The following USP40 variants were observed in gnomAD, a reference collection of about 807,000 sequenced individuals.
USP40 encodes ubiquitin carboxyl-terminal hydrolase 40.
Under a neutral mutation model 166.2 loss-of-function variants are expected in USP40, and 143 were observed. That is an observed-to-expected ratio of 0.86 (90% confidence interval 0.75 to 0.99). USP40 has a LOEUF of 0.99. USP40 is among the 50% of genes least tolerant of loss of function. The pLI, the probability that USP40 is intolerant of heterozygous loss-of-function variation, is 0.00. For missense variants in USP40, 1,444 were observed against 1,479.7 expected (o/e 0.98, Z 0.40); for synonymous variants, 498 against 524.0 (o/e 0.95, Z 0.68).
At chr2:233,553,892 A>T (rs1011552322) in intron 6 of USP40, among the ~76,000 whole-genome samples, 4 of 152,204 alleles carry the variant, frequency 2.6e-5, no homozygotes, top group African/African-American at 9.7e-5. Flanking sequence ...AATCAGAAGT[A>T]TTCTGTTAAA....
chr2:233,487,199 C>G (rs1242313057), intron 28 of USP40, among the ~76,000 whole-genome samples: 2 of 152,238 alleles, frequency 1.3e-5, no homozygotes, highest in African/African-American at 4.8e-5. Context: ...CACGAAATAA[C>G]TCAATCATGC....
At chr2:233,497,444 G>A (rs1225971595) in intron 23 of USP40, among the ~76,000 whole-genome samples, 3 of 152,172 alleles carry the variant, frequency 2.0e-5, no homozygotes, top group South Asian at 2.1e-4. Context: ...AGAGGCATAC[G>A]AAGGCTTGGA....
Position 233,493,380 on chromosome 2 carries a change from T to G in USP40, c.2917+45A>C. Reference sequence around the variant, plus strand: ...TCAGAGCACAGGCAGTCAATTTACTTCTCTTTATGATGCACTGGCTGCTGA... The same window carrying G: ...TCAGAGCACAGGCAGTCAATTTACTGCTCTTTATGATGCACTGGCTGCTGA... On this transcript the variant is annotated intron_variant, in intron 25 of 31. Coordinates refer to ENST00000678225, the MANE Select transcript of USP40 (RefSeq NM_001365479.2). This position sits in a 1 kb window ranked among gnomAD's most constrained non-coding sequence, Gnocchi z 4.7. The G allele has an allele frequency of 1.2e-6, 2 of 1,613,672 alleles. No homozygotes were observed. The highest frequency in any genetic ancestry group is 1.1e-5 in the South Asian group (1 of 91,016).
chr2:233,565,115 AAG>A (rs1389823608), intron 2 of USP40, among the ~76,000 whole-genome samples: 39 of 152,234 alleles, frequency 2.6e-4, no homozygotes, highest in African/African-American at 9.2e-4. Flanking sequence ...GGAATTAAAA[AAG>A]AAATATATTG....
At position 233,488,234 on chromosome 2, in the gene USP40, C is replaced by T. The variant is rs1402744117; in HGVS notation, c.3197+5G>A. 1 of 1,600,544 alleles carries T rather than the reference C, an allele frequency of 6.2e-7. No individual in the cohort carries two copies. The highest frequency in any genetic ancestry group is 1.3e-5 in the African/African-American group (1 of 74,910). On this transcript the variant is annotated splice_donor_5th_base_variant and intron_variant, in intron 28 of 31. Coordinates refer to ENST00000678225, the MANE Select transcript of USP40 (RefSeq NM_001365479.2). ...TCACTTCAGATGCACAGGAGAATTT[C>T]TTACCCCAAGTTTTCGCCTTTCTGA...
At chr2:233,552,595 G>C (rs565339115) in intron 6 of USP40, among the ~76,000 whole-genome samples, 1 of 152,310 alleles carries the variant, frequency 6.6e-6, no homozygotes, top group Non-Finnish European at 1.5e-5. Context: ...TTCCAACACT[G>C]TTCCAAACTC....
At chr2:233,551,846 A>C (rs1270454921) in intron 6 of USP40, among the ~76,000 whole-genome samples, 2 of 152,110 alleles carry the variant, frequency 1.3e-5, no homozygotes, top group African/African-American at 4.8e-5. Context: ...TCTCCACTTT[A>C]CCTGGCAGGT....
intron 25 of USP40, among the ~76,000 whole-genome samples, chr2:233,492,458 G>A (rs550889071): frequency 6.8e-4 from 103 of 152,276 alleles, no homozygotes; most frequent in African/African-American, 2.4e-3. Flanking sequence ...TACTTTTCAC[G>A]TAGAAACATA....
chr2:233,528,121 T>C (rs2068195906), intron 12 of USP40, among the ~76,000 whole-genome samples: 1 of 151,868 alleles, frequency 6.6e-6, no homozygotes, highest in Non-Finnish European at 1.5e-5. Context: ...TGGGATTACA[T>C]GTGTGTGCCA....
Position 233,477,455 on chromosome 2 carries a change from C to G in USP40, c.3648G>C (p.Glu1216Asp), listed in dbSNP as rs369705346. The change falls in exon 32 of 32, where the codon GAG (glutamate) becomes GAC (aspartate). Residue 1216 changes from glutamate to aspartate, a missense_variant. Transcript: ENST00000678225. ...EQSSYILSSA[E>D]TPARPRAPET... ...CCGGGGCTCGGGGCCGGGCAGGCGT[C>G]TCTGCACTGGAGAGGATGTAGCTGC... is the stretch of plus-strand genomic sequence containing the variant. 3.7e-6 allele frequency: 6 copies of G among 1,613,658 alleles called. No homozygotes were observed. Among genetic ancestry groups the G allele is most frequent in the African/African-American group, 2.7e-5 (2 of 74,938 alleles).
Position 233,533,633 on chromosome 2 carries a change from A to G in USP40, c.1317T>C (p.Gly439=). The G allele has an allele frequency of 6.2e-7, 1 of 1,613,830 alleles. No homozygotes were observed. The highest frequency in any genetic ancestry group is 8.5e-7 in the Non-Finnish European group (1 of 1,179,814). ...IFKMLPPESP[G]LNNSISCPHW... ...GGGGACAGGAGATGCTATTGTTTAAACCTGGGGATTCTGGAGGAAGCATCT... is the reference window on the plus strand; with the variant it reads ...GGGGACAGGAGATGCTATTGTTTAAGCCTGGGGATTCTGGAGGAAGCATCT... The change falls in exon 11 of 32, where the codon GGT becomes GGC. Residue 439 remains glycine (G), a synonymous_variant. Coordinates refer to ENST00000678225, the MANE Select transcript of USP40 (RefSeq NM_001365479.2).
At chr2:233,499,401 G>C (rs1450147898) in intron 22 of USP40, among the ~76,000 whole-genome samples, 3 of 152,132 alleles carry the variant, frequency 2.0e-5, no homozygotes, top group Admixed American at 6.6e-5. Context: ...TCTTTATCCA[G>C]TCTATTACTG....
Position 233,511,800 on chromosome 2 carries a change from TAAA to T in USP40, c.2438-6_2438-4del, listed in dbSNP as rs755417256. The T allele has an allele frequency of 6.2e-7, 1 of 1,600,298 alleles. No individual in the cohort carries two copies. The highest frequency in any genetic ancestry group is 1.1e-5 in the South Asian group (1 of 88,034). On this transcript the variant is annotated splice_polypyrimidine_tract_variant and splice_region_variant and intron_variant, in intron 19 of 31. Transcript: ENST00000678225. ...CTTCAAAGTATAGCTGTCCGGCACT[TAAA>T]AAAATTTTGATAATATGATGAAGGT...
intron 21 of USP40, among the ~76,000 whole-genome samples, chr2:233,502,150 C>T (rs941313186): frequency 6.6e-6 from 1 of 152,110 alleles, no homozygotes; most frequent in Non-Finnish European, 1.5e-5. Flanking sequence ...AACAAGTCTG[C>T]CTGCAAGGGG....
chr2:233,549,470 G>A lies in USP40; in HGVS notation c.838-241C>T, dbSNP rs76436400. On this transcript the variant is annotated intron_variant, in intron 7 of 31. Transcript: ENST00000678225. ...TAGTTGACCATGAACACAAGTACCT[G>A]AAAAATACGTTACTTTTATGTACTT... is the stretch of plus-strand genomic sequence containing the variant. 7.3e-3 allele frequency among the ~76,000 whole-genome samples: 1,117 copies of A among 152,122 alleles called. 10 individuals are homozygous for A. The highest frequency in any genetic ancestry group is 0.024 in the African/African-American group (987 of 41,532).
chr2:233,530,579 C>A (rs2068438804), intron 11 of USP40, among the ~76,000 whole-genome samples: 1 of 152,166 alleles, frequency 6.6e-6, no homozygotes, highest in Admixed American at 6.5e-5. Flanking sequence ...TATTCCATAC[C>A]TACCAGCTCT....
intron 6 of USP40, 25 bp downstream of exon 6, chr2:233,554,355 G>C: frequency 6.3e-7 from 1 of 1,579,322 alleles, no homozygotes; most frequent in Non-Finnish European, 8.6e-7. Flanking sequence ...GGGGACCCTG[G>C]GAAAAAGCAG....
intron 2 of USP40, 65 bp from the exon 3 acceptor site, chr2:233,562,868 A>G: frequency 7.9e-7 from 1 of 1,270,502 alleles, no homozygotes. Flanking sequence ...TTGTTTTAGA[A>G]AGCCAAGACC....
At chr2:233,508,279 C>T (rs2066566830) in intron 21 of USP40, among the ~76,000 whole-genome samples, 2 of 152,108 alleles carry the variant, frequency 1.3e-5, no homozygotes, top group South Asian at 4.1e-4. Context: ...TACTTAAGTT[C>T]CTTTGGCTTG....
Sources: gnomAD v4.1 joint callset for allele counts (sites outside exome capture counted in the v4.1 genomes callset) on GRCh38, gnomAD v4.1.1 for gene constraint, Gnocchi (gnomAD v3.1) non-coding constraint, MANE v1.5 for transcripts, NCBI Gene and HGNC (gene_info 2026-07-23, HGNC 2026-07-21) for gene names.